MTMR3: variants seen among roughly 807,000 people sequenced by gnomAD.
The protein encoded by MTMR3 is myotubularin related protein 3, also known as phosphatidylinositol-3,5-bisphosphate 3-phosphatase MTMR3.
Under a neutral mutation model 132.4 loss-of-function variants are expected in MTMR3, and 32 were observed. That is an observed-to-expected ratio of 0.24 (90% CI 0.18 to 0.32). MTMR3 has a LOEUF of 0.32. MTMR3 is among the 10% of genes least tolerant of loss of function. MTMR3 has a pLI of 1.00. For synonymous variants in MTMR3, 556 were observed against 550.3 expected (o/e 1.01, Z -0.14); for missense variants, 1,216 against 1,489.6 (o/e 0.82, Z 3.02).
At chr22:29,901,242 G>A (rs2064997849) in intron 1 of MTMR3, among the ~76,000 whole-genome samples, 1 of 150,594 alleles carries the variant, frequency 6.6e-6, no homozygotes, top group South Asian at 2.1e-4. Context: ...TAAGCACTAG[G>A]TAGTTTTCTT....
chr22:29,896,867 T>TCACACA (rs1491465662), intron 1 of MTMR3, among the ~76,000 whole-genome samples: 3 of 36,676 alleles, frequency 8.2e-5, no homozygotes, highest in Non-Finnish European at 1.5e-4. Context: ...AACAGGCTTG[T>TCACACA]CTCACACACA....
chr22:29,891,407 A>G (rs1385081955), intron 1 of MTMR3, among the ~76,000 whole-genome samples: 2 of 141,036 alleles, frequency 1.4e-5, no homozygotes, highest in Non-Finnish European at 3.2e-5. Context: ...ATGTGTATAT[A>G]TAACATATAT....
At chr22:30,021,821 C>T in intron 17 of MTMR3, 1 of 566,782 alleles carries the variant, frequency 1.8e-6, no homozygotes, top group Non-Finnish European at 3.2e-6. Flanking sequence ...AGTCACTGCA[C>T]ACAACCTGTG....
intron 19 of MTMR3, chr22:30,025,179 C>T (rs2067882811): frequency 6.1e-6 from 1 of 163,078 alleles, no homozygotes; most frequent in African/African-American, 2.4e-5. Flanking sequence ...GGCCGTTGGG[C>T]AAGGCTCCTT....
At chr22:29,903,290 A>G (rs1234327764) in intron 1 of MTMR3, among the ~76,000 whole-genome samples, 2 of 152,030 alleles carry the variant, frequency 1.3e-5, no homozygotes, top group Admixed American at 6.6e-5. Context: ...TAATTTTTTG[A>G]GGTTCCAGTT....
In MTMR3 at chr22:29,937,066, C is replaced by A. The variant is rs1033006716; in HGVS notation, c.-137-19970C>A. 1.1e-4 allele frequency among the ~76,000 whole-genome samples: 17 copies of A among 152,008 alleles called. 3 individuals carry two copies. Among genetic ancestry groups the A allele is most frequent in the Admixed American group, 1.1e-3 (17 of 15,264 alleles). On this transcript the variant is annotated intron_variant, in intron 1 of 19. Coordinates refer to ENST00000401950, the MANE Select transcript of MTMR3 (RefSeq NM_021090.4). ...TTCTACAGCTGACAAAACTAAGATA[C>A]TTCTTAATATTGGATTAAGCTTTTG...
intron 13 of MTMR3, 115 bp downstream of exon 13, chr22:30,012,678 T>C (rs1453866249): frequency 8.6e-7 from 1 of 1,169,414 alleles, no homozygotes; most frequent in Non-Finnish European, 1.2e-6. Context: ...AATTTCTGTT[T>C]TGGTCATTGT....
intron 1 of MTMR3, among the ~76,000 whole-genome samples, chr22:29,911,021 G>T (rs1048453879): frequency 1.3e-5 from 2 of 152,094 alleles, no homozygotes; most frequent in African/African-American, 4.8e-5. Context: ...CTAGTAAAAG[G>T]AATAGAACAT....
chr22:30,021,317 A>T (rs2067742436), intron 17 of MTMR3: 1 of 177,842 alleles, frequency 5.6e-6, no homozygotes, highest in South Asian at 1.3e-4. Flanking sequence ...TTGAAGGTTC[A>T]GTTCTTTTTA....
chr22:29,906,076 T>C (rs1040277543), intron 1 of MTMR3, among the ~76,000 whole-genome samples: 4 of 152,130 alleles, frequency 2.6e-5, no homozygotes, highest in Admixed American at 6.5e-5. Flanking sequence ...CGCTGGCCTT[T>C]AACTCCTTGG....
intron 1 of MTMR3, among the ~76,000 whole-genome samples, chr22:29,919,225 G>A (rs2065363730): frequency 6.6e-6 from 1 of 152,036 alleles, no homozygotes; most frequent in Non-Finnish European, 1.5e-5. Flanking sequence ...GGGGGAAAAA[G>A]TTTTCTCTAG....
intron 9 of MTMR3, chr22:30,004,350 T>G (rs943929281): frequency 1.3e-5 from 2 of 152,190 alleles, no homozygotes; most frequent in Non-Finnish European, 2.9e-5. Context: ...CTGGCATCTG[T>G]GGGGCTTGCT....
intron 14 of MTMR3, chr22:30,013,889 C>CCT: frequency 4.9e-6 from 1 of 205,470 alleles, no homozygotes; most frequent in Non-Finnish European, 9.9e-6. Context: ...GACTCTGCAC[C>CCT]CTCTCCTTTG....
chr22:30,005,268 C>G (rs925342535), intron 9 of MTMR3: 1 of 152,204 alleles, frequency 6.6e-6, no homozygotes, highest in African/African-American at 2.4e-5. Context: ...TGATTTTTAA[C>G]TGTAGTGTTT....
chr22:29,959,759 A>AT (rs35031180), intron 2 of MTMR3, among the ~76,000 whole-genome samples: 3,152 of 133,922 alleles, frequency 0.024, 94 homozygotes, highest in African/African-American at 0.071. Context: ...AAAAGTGTTA[A>AT]TTTTTTTTTT....
intron 7 of MTMR3, chr22:29,992,000 T>C (rs1351683042): frequency 5.4e-6 from 1 of 183,764 alleles, no homozygotes; most frequent in East Asian, 1.4e-4. Context: ...TAAAGTGGCT[T>C]TTGAATCAGC....
In MTMR3 at chr22:29,947,713, A is replaced by G. The variant is rs143744585; in HGVS notation, c.-137-9323A>G. Among the ~76,000 whole-genome samples, 183 of 152,268 alleles carry G rather than the reference A, an allele frequency of 1.2e-3. 5 individuals are homozygous for G. The East Asian group carries it at 0.027, about 22-fold the overall frequency. On this transcript the variant is annotated intron_variant, in intron 1 of 19. Transcript: ENST00000401950. ...TACTTTTGCCTTCCTTAAGTAAAGC[A>G]TGTTGATGAATTCTACTTTTTGGCT...
chr22:30,005,053 T>TACAGCACAG (rs2067247938), intron 9 of MTMR3: 1 of 152,230 alleles, frequency 6.6e-6, no homozygotes, highest in Non-Finnish European at 1.5e-5. Flanking sequence ...TTCACAGCTT[T>TACAGCACAG]TTCCTTTGTG....
chr22:30,018,771 G>A (rs2067667134), intron 16 of MTMR3: 1 of 151,762 alleles, frequency 6.6e-6, no homozygotes, highest in Non-Finnish European at 1.5e-5. Flanking sequence ...ATTTGGCTTT[G>A]TCACTTGAGA....
Sources: allele counts gnomAD v4.1 joint callset (sites outside exome capture counted in the v4.1 genomes callset), GRCh38; gene constraint gnomAD v4.1.1; transcripts MANE v1.5; gene names NCBI Gene and HGNC (gene_info 2026-07-23, HGNC 2026-07-21).